The following RABGAP1L variants were observed in gnomAD, a reference collection of about 807,000 sequenced individuals.
The protein encoded by RABGAP1L is RAB GTPase activating protein 1 like, also known as rab GTPase-activating protein 1-like.
RABGAP1L carries 63 observed loss-of-function variants against 137.7 expected under a neutral mutation model. That is an observed-to-expected ratio of 0.46 (90% CI 0.37 to 0.56). RABGAP1L has a LOEUF of 0.56. Ranked by LOEUF, RABGAP1L falls within the 20% of genes least tolerant of loss-of-function variation. RABGAP1L has a pLI of 0.00. For synonymous variants in RABGAP1L, 431 were observed against 433.7 expected, an observed-to-expected ratio of 0.99 and a Z score of 0.08; for missense variants, 1,095 against 1,244.0, an observed-to-expected ratio of 0.88 and a Z score of 1.80.
intron 19 of RABGAP1L, among the ~76,000 whole-genome samples, chr1:174,901,730 G>C (rs751687357): frequency 6.6e-6 from 1 of 152,108 alleles, no homozygotes; most frequent in East Asian, 1.9e-4. Context: ...AAGTGTTAAC[G>C]GTCATTTGGA....
Position 174,614,018 on chromosome 1 carries a change from C to A in RABGAP1L, c.1711-23357C>A, listed in dbSNP as rs377038620. Among the ~76,000 whole-genome samples the A allele has an allele frequency of 9.2e-5, 14 of 152,244 alleles. No individual in the cohort carries two copies. In the East Asian group the frequency reaches 1.7e-3, roughly 19 times the overall value. Reference sequence around the variant, plus strand: ...GGTCTTGACTCTTTATCCAATTTGCCAGTCTGTGTCTTTTAATTGGAGCAT... The same window carrying A: ...GGTCTTGACTCTTTATCCAATTTGCAAGTCTGTGTCTTTTAATTGGAGCAT... On this transcript the variant is annotated intron_variant, in intron 13 of 25. Transcript: ENST00000681986.
At chr1:174,166,251 T>C (rs1300528859) in intron 1 of RABGAP1L, among the ~76,000 whole-genome samples, 1 of 152,180 alleles carries the variant, frequency 6.6e-6, no homozygotes, top group Non-Finnish European at 1.5e-5. Flanking sequence ...GTTTGTTTTT[T>C]GTTTTTCTTC....
chr1:174,519,564 A>G (rs1663182938), intron 13 of RABGAP1L, among the ~76,000 whole-genome samples: 1 of 152,258 alleles, frequency 6.6e-6, no homozygotes, highest in Non-Finnish European at 1.5e-5. Flanking sequence ...TCACAGACAC[A>G]CCCAGGATCA....
intron 14 of RABGAP1L, among the ~76,000 whole-genome samples, chr1:174,671,057 A>T (rs1677141992): frequency 1.3e-5 from 2 of 152,204 alleles, no homozygotes; most frequent in Non-Finnish European, 2.9e-5. Context: ...AGCATTTGTT[A>T]TTGCCTGTCT....
intron 7 of RABGAP1L, among the ~76,000 whole-genome samples, chr1:174,267,354 T>G (rs1674161407): frequency 6.6e-6 from 1 of 152,132 alleles, no homozygotes; most frequent in South Asian, 2.1e-4. Flanking sequence ...ATAGGACACT[T>G]ATGGAGATGT....
At chr1:174,986,996 C>G (rs566160827) in intron 24 of RABGAP1L, among the ~76,000 whole-genome samples, 74 of 152,260 alleles carry the variant, frequency 4.9e-4, no homozygotes, top group African/African-American at 1.7e-3. Context: ...TAATTATTCT[C>G]AGAGGTTCTT....
At chr1:174,770,073 A>C (rs1685997544) in intron 18 of RABGAP1L, among the ~76,000 whole-genome samples, 2 of 152,214 alleles carry the variant, frequency 1.3e-5, no homozygotes, top group South Asian at 4.1e-4. Flanking sequence ...AACAACTCAT[A>C]AACTTTTTTT....
chr1:174,722,593 G>C (rs1310955491), intron 17 of RABGAP1L, among the ~76,000 whole-genome samples: 1 of 151,858 alleles, frequency 6.6e-6, no homozygotes, highest in African/African-American at 2.4e-5. Context: ...GGGATTACAG[G>C]CGCCCACCAC....
intron 17 of RABGAP1L, among the ~76,000 whole-genome samples, chr1:174,720,290 T>TAGATAGACAGACAGAC (rs368112419): frequency 3.5e-5 from 5 of 141,678 alleles, no homozygotes; most frequent in East Asian, 2.1e-4. Context: ...GATAGATAGA[T>TAGATAGACAGACAGAC]AGACAGACAG....
intron 7 of RABGAP1L, among the ~76,000 whole-genome samples, chr1:174,260,821 A>G (rs1428123523): frequency 6.6e-6 from 1 of 152,154 alleles, no homozygotes; most frequent in East Asian, 1.9e-4. Context: ...GATGCTTTGA[A>G]TAGTTTGCTA....
intron 18 of RABGAP1L, among the ~76,000 whole-genome samples, chr1:174,760,354 T>A (rs1685122247): frequency 6.6e-6 from 1 of 152,128 alleles, no homozygotes; most frequent in Non-Finnish European, 1.5e-5. Context: ...GTAGGCCCCA[T>A]GTCTATTGTT....
chr1:174,386,797 G>A (rs1686830797), intron 12 of RABGAP1L, among the ~76,000 whole-genome samples: 3 of 152,166 alleles, frequency 2.0e-5, no homozygotes, highest in Middle Eastern at 6.8e-3. Flanking sequence ...GTGAGCCACC[G>A]CACCGGCCTA....
intron 17 of RABGAP1L, among the ~76,000 whole-genome samples, chr1:174,706,054 C>T (rs537841616): frequency 1.3e-5 from 2 of 152,024 alleles, no homozygotes; most frequent in African/African-American, 4.8e-5. Flanking sequence ...CTCAAAGATC[C>T]CATTGCAAAG....
intron 11 of RABGAP1L, among the ~76,000 whole-genome samples, chr1:174,322,399 C>T (rs929536184): frequency 1.3e-5 from 2 of 152,218 alleles, no homozygotes; most frequent in Admixed American, 1.3e-4. Flanking sequence ...ACTGTCTGGG[C>T]ATGTAGTCAC....
chr1:174,610,506 A>G (rs1671133953), intron 13 of RABGAP1L, among the ~76,000 whole-genome samples: 2 of 152,076 alleles, frequency 1.3e-5, no homozygotes, highest in Non-Finnish European at 2.9e-5. Context: ...AATAGTGGAC[A>G]ATAAACATAC....
At chr1:174,787,402 CAAAA>C (rs35930436) in intron 18 of RABGAP1L, among the ~76,000 whole-genome samples, 18 of 119,862 alleles carry the variant, frequency 1.5e-4, no homozygotes, top group Admixed American at 1.7e-4. Context: ...GACTCTGTGT[CAAAA>C]AAAAAAAAAA....
chr1:174,924,634 T>C (rs1189320188), intron 19 of RABGAP1L, among the ~76,000 whole-genome samples: 1 of 152,176 alleles, frequency 6.6e-6, no homozygotes, highest in Non-Finnish European at 1.5e-5. Flanking sequence ...AACATTAATC[T>C]ATTCAACCTT....
At chr1:174,353,616 C>T (rs1683377392) in intron 11 of RABGAP1L, among the ~76,000 whole-genome samples, 2 of 152,228 alleles carry the variant, frequency 1.3e-5, no homozygotes, top group Admixed American at 1.3e-4. Flanking sequence ...GGGATTTCCT[C>T]TTGCTAGGGC....
At chr1:174,212,747 C>T (rs4447042) in intron 1 of RABGAP1L, among the ~76,000 whole-genome samples, 75,411 of 151,662 alleles carry the variant, frequency 0.5, 21,275 homozygotes, top group African/African-American at 0.78. Context: ...TCAACAAAAC[C>T]AAAAGCTGGT....
Sources: gnomAD v4.1 joint callset for allele counts (sites outside exome capture counted in the v4.1 genomes callset) on GRCh38, gnomAD v4.1.1 for gene constraint, MANE v1.5 for transcripts, NCBI Gene and HGNC (gene_info 2026-07-23, HGNC 2026-07-21) for gene names.